The following PPP1R12B variants were observed in gnomAD, a reference collection of about 807,000 sequenced individuals.
PPP1R12B encodes the protein myosin phosphatase target subunit 2.
In PPP1R12B, 76 loss-of-function variants were observed where a neutral mutation model predicts 126.1. The ratio of observed to expected loss-of-function variants is 0.60; its 90% CI spans 0.50 to 0.73. The LOEUF (loss-of-function observed/expected upper bound fraction) is 0.73, where lower values mean the gene tolerates loss of function less well. Ranked by LOEUF, PPP1R12B falls within the 30% of genes least tolerant of loss-of-function variation. The pLI, the probability that PPP1R12B is intolerant of heterozygous loss-of-function variation, is 0.00. For synonymous variants in PPP1R12B, 356 were observed against 434.7 expected (o/e 0.82, Z 2.25); for missense variants, 1,052 against 1,205.1 (o/e 0.87, Z 1.88).
At chr1:202,575,200 G>C in intron 23 of PPP1R12B, 1 of 1,548,368 alleles carries the variant, frequency 6.5e-7, no homozygotes, top group South Asian at 1.2e-5. Context: ...CAGTCTTCTT[G>C]TTAGTCCCAG....
At chr1:202,435,938 C>T (rs7554082) in intron 9 of PPP1R12B, among the ~76,000 whole-genome samples, 1 of 151,930 alleles carries the variant, frequency 6.6e-6, no homozygotes, top group African/African-American at 2.4e-5. Context: ...CTAAGGATGC[C>T]TAGACTTCCT....
Position 202,580,953 on chromosome 1 carries a change from C to T in PPP1R12B, c.*393C>T, listed in dbSNP as rs148536761. The stretch of plus-strand genomic sequence containing the variant: ...GTATCCTTCAGCTTTTTACATTAAC[C>T]CAGTGTCCTCTGATATAGGTGAGTC... On this transcript the variant is annotated 3_prime_UTR_variant, in exon 24 of 24. Transcript: ENST00000608999. 229 of 188,268 alleles carry T rather than the reference C, an allele frequency of 1.2e-3. 9 individuals carry two copies. In the East Asian group the frequency reaches 0.024, roughly 19 times the overall value. The allele number at this position is 188,268 out of a possible 1,614,324, so 11.7% of individuals were successfully genotyped here.
At chr1:202,480,273 G>C (rs762969386) in intron 13 of PPP1R12B, among the ~76,000 whole-genome samples, 2 of 152,168 alleles carry the variant, frequency 1.3e-5, no homozygotes, top group Non-Finnish European at 2.9e-5. Context: ...ACCAGCTAAA[G>C]AAATGATTAG....
At chr1:202,406,303 A>G (rs1427084025) in intron 1 of PPP1R12B, among the ~76,000 whole-genome samples, 2 of 152,226 alleles carry the variant, frequency 1.3e-5, no homozygotes, top group Admixed American at 6.5e-5. Context: ...GACTCATGCT[A>G]ATAAACAGAG....
intron 18 of PPP1R12B, among the ~76,000 whole-genome samples, chr1:202,511,771 A>ATTTTT (rs772556181): frequency 9.3e-6 from 1 of 107,856 alleles, no homozygotes. Context: ...ATATACCACA[A>ATTTTT]TTTTTTTTTT....
Position 202,349,112 on chromosome 1 carries a change from C to T in PPP1R12B, c.261C>T (p.Val87=). ...LLARGADINT[V]NVDGLTALHQ... is the part of the protein sequence containing the mutation. ...CAAGAGGTGCTGATATCAACACGGT[C>T]AACGTGGACGGCTTGACAGCCCTGC... The change falls in exon 1 of 24, where the codon GTC becomes GTT. Residue 87 remains valine, a synonymous_variant. Coordinates refer to ENST00000608999, the MANE Select transcript of PPP1R12B (RefSeq NM_002481.4). The T allele has an allele frequency of 1.2e-6, 2 of 1,614,070 alleles. No individual in the cohort carries two copies. Among genetic ancestry groups the T allele is most frequent in the Non-Finnish European group, 1.7e-6 (2 of 1,180,042 alleles).
At chr1:202,544,085 A>T (rs1685406366) in intron 18 of PPP1R12B, among the ~76,000 whole-genome samples, 1 of 152,206 alleles carries the variant, frequency 6.6e-6, no homozygotes, top group Non-Finnish European at 1.5e-5. Context: ...CACCAGGTAG[A>T]TATTGATGAG....
chr1:202,457,762 G>A (rs1243456584), intron 13 of PPP1R12B, among the ~76,000 whole-genome samples: 11 of 152,072 alleles, frequency 7.2e-5, no homozygotes, highest in Non-Finnish European at 1.5e-4. Context: ...GGAGGTAACT[G>A]GAGTTGAATT....
rs373709627 is a variant in PPP1R12B at position 202,586,443 on chromosome 1, A to AT, written c.*5884dup. 5.9e-5 allele frequency: 9 copies of AT among 152,378 alleles called. No homozygotes were observed. The highest frequency in any genetic ancestry group is 2.2e-4 in the African/African-American group (9 of 41,580). The allele number at this position is 152,378 out of a possible 1,614,324, so 9.4% of individuals were successfully genotyped here. ...TGAGTTCTGTCTCACTGGTGACTTC[A>AT]TCCCTCAGGCTCCAGCTGAGCAGAG... On this transcript the variant is annotated 3_prime_UTR_variant, in exon 24 of 24. Transcript: ENST00000608999.
At chr1:202,498,415 A>G (rs1414020116) in intron 18 of PPP1R12B, among the ~76,000 whole-genome samples, 4 of 152,260 alleles carry the variant, frequency 2.6e-5, no homozygotes, top group South Asian at 4.1e-4. Context: ...TAAGGTTGCT[A>G]TAAGAAATAT....
chr1:202,563,055 G>T (rs2149013748), intron 20 of PPP1R12B, 133 bp downstream of exon 20: 1 of 1,053,154 alleles, frequency 9.5e-7, no homozygotes, highest in South Asian at 2.5e-5. Flanking sequence ...ATAATTCCTT[G>T]CAGTTTTCTG....
chr1:202,538,923 G>A (rs189122995), intron 18 of PPP1R12B, among the ~76,000 whole-genome samples: 1 of 151,780 alleles, frequency 6.6e-6, no homozygotes, highest in African/African-American at 2.4e-5. Flanking sequence ...ACTTTCCATT[G>A]TCATTTTCCC....
chr1:202,515,584 A>G (rs185271420), intron 18 of PPP1R12B, among the ~76,000 whole-genome samples: 87 of 152,182 alleles, frequency 5.7e-4, no homozygotes, highest in Admixed American at 2.3e-3. Flanking sequence ...TGGTTTTTGC[A>G]CACAGGATCT....
Position 202,431,080 on chromosome 1 carries a change from C to T in PPP1R12B, c.1001+270C>T, listed in dbSNP as rs1233222279. Among the ~76,000 whole-genome samples, 3 of 152,184 alleles carry T rather than the reference C, an allele frequency of 2.0e-5. No homozygotes were observed. In the East Asian group the frequency reaches 5.8e-4, roughly 29 times the overall value. ...AAATCCTGGCTTAGGCGCTCTTAGT[C>T]TCAACTTTTGCCTCTACTTACTGTA... On this transcript the variant is annotated intron_variant, in intron 7 of 23. Transcript: ENST00000608999.
chr1:202,402,637 G>A (rs1202019405), intron 1 of PPP1R12B, among the ~76,000 whole-genome samples: 1 of 152,176 alleles, frequency 6.6e-6, no homozygotes, highest in Admixed American at 6.6e-5. Context: ...CTTTAAGAGA[G>A]GTCAACTATG....
At chr1:202,486,400 C>T (rs541194547) in intron 13 of PPP1R12B, among the ~76,000 whole-genome samples, 95 of 152,092 alleles carry the variant, frequency 6.2e-4, no homozygotes, top group South Asian at 1.7e-3. Context: ...CAACTTGATG[C>T]CACTAAATGT....
At position 202,348,884 on chromosome 1, in the gene PPP1R12B, G is replaced by A. The variant is rs1291780568; in HGVS notation, c.33G>A (p.Arg11=). ...AACTGGAGCACCTAGGAGGGAAGCG[G>A]GCAGAGTCGGCGCGAATGCGGCGGG... MAELEHLGGK[R]AESARMRRAE... The change falls in exon 1 of 24, where the codon CGG becomes CGA. Residue 11 remains arginine (R), a synonymous_variant. Transcript: ENST00000608999. 8 of 1,610,698 alleles carry A rather than the reference G, an allele frequency of 5.0e-6. No individual in the cohort carries two copies. The highest frequency in any genetic ancestry group is 4.5e-5 in the East Asian group (2 of 44,848).
intron 13 of PPP1R12B, among the ~76,000 whole-genome samples, chr1:202,458,115 T>C (rs889899946): frequency 6.6e-6 from 1 of 151,146 alleles, no homozygotes; most frequent in Non-Finnish European, 1.5e-5. Flanking sequence ...TGAGTCCATC[T>C]AGTAGTTTTG....
Position 202,416,779 on chromosome 1 carries a change from C to A in PPP1R12B, c.292-8C>A. The stretch of plus-strand genomic sequence containing the variant: ...TTGTTGAATGAATGAATGGACTTTT[C>A]TTTTCAGGCATGTATTGATGAAAAT... On this transcript the variant is annotated splice_region_variant and splice_polypyrimidine_tract_variant and intron_variant, in intron 1 of 23. Coordinates refer to ENST00000608999, the MANE Select transcript of PPP1R12B (RefSeq NM_002481.4). 2 of 1,612,260 alleles carry A rather than the reference C, an allele frequency of 1.2e-6. No homozygotes were observed. The highest frequency in any genetic ancestry group is 1.7e-6 in the Non-Finnish European group (2 of 1,178,916).
Sources: gnomAD v4.1 joint callset for allele counts (sites outside exome capture counted in the v4.1 genomes callset) on GRCh38, gnomAD v4.1.1 for gene constraint, MANE v1.5 for transcripts, NCBI Gene and HGNC (gene_info 2026-07-23, HGNC 2026-07-21) for gene names.